RYR2: variants seen among roughly 807,000 people sequenced by gnomAD.
RYR2 encodes the protein cardiac muscle ryanodine receptor-calcium release channel.
In RYR2, 227 loss-of-function variants were observed where a neutral mutation model predicts 601.1. The observed-to-expected ratio is 0.38, with a 90% CI of 0.34 to 0.42. RYR2 has a LOEUF of 0.42. RYR2 is among the 10% of genes least tolerant of loss of function. The pLI is 1.00. For missense variants in RYR2, 4,646 were observed against 6,156.5 expected (o/e 0.75, Z 8.21); for synonymous variants, 2,223 against 2,175.1 (o/e 1.02, Z -0.61).
chr1:237,276,781 A>G (rs1690330930), intron 2 of RYR2, among the ~76,000 whole-genome samples: 1 of 152,244 alleles, frequency 6.6e-6, no homozygotes, highest in South Asian at 2.1e-4. Context: ...TTAAGTTCAA[A>G]CAGACCAATT....
intron 10 of RYR2, among the ~76,000 whole-genome samples, chr1:237,401,370 C>A (rs2149932897): frequency 6.6e-6 from 1 of 152,264 alleles, no homozygotes; most frequent in South Asian, 2.1e-4. Context: ...AATGGGATCC[C>A]CAGACCACTT....
At chr1:237,461,449 C>A (rs1412076405) in intron 16 of RYR2, among the ~76,000 whole-genome samples, 1 of 152,126 alleles carries the variant, frequency 6.6e-6, no homozygotes, top group African/African-American at 2.4e-5. Flanking sequence ...CTCTTCCTTT[C>A]ACCAGCAACC....
intron 35 of RYR2, among the ~76,000 whole-genome samples, chr1:237,604,136 A>G (rs997773814): frequency 5.3e-5 from 8 of 152,182 alleles, no homozygotes; most frequent in African/African-American, 1.7e-4. Context: ...TCATCACCAC[A>G]TCGCACTTAC....
chr1:237,221,688 C>T lies in RYR2; in HGVS notation c.49-48809C>T, dbSNP rs1683817159. On this transcript the variant is annotated intron_variant, in intron 1 of 104. Coordinates refer to ENST00000366574, the MANE Select transcript of RYR2 (RefSeq NM_001035.3). ...AGTCAAGTTAGTAGCTAGGTTCATA[C>T]CTAGTTCTTTGTTTAGAGTGCTTGT... Among the ~76,000 whole-genome samples the T allele has an allele frequency of 2.0e-5, 3 of 152,088 alleles. 1 individual carries two copies. The South Asian group carries it at 6.2e-4, about 32-fold the overall frequency.
At chr1:237,279,508 A>G (rs1248397097) in intron 2 of RYR2, among the ~76,000 whole-genome samples, 3 of 152,190 alleles carry the variant, frequency 2.0e-5, no homozygotes, top group African/African-American at 7.2e-5. Context: ...AATTAATTAA[A>G]TCTCAAATTC....
At chr1:237,270,851 A>G (rs967197485) in intron 2 of RYR2, among the ~76,000 whole-genome samples, 1 of 152,212 alleles carries the variant, frequency 6.6e-6, no homozygotes, top group Admixed American at 6.5e-5. Context: ...TGAGGTTTAT[A>G]TTCTAGTAGA....
At chr1:237,178,210 A>G (rs900910463) in intron 1 of RYR2, among the ~76,000 whole-genome samples, 1 of 151,906 alleles carries the variant, frequency 6.6e-6, no homozygotes, top group Admixed American at 6.6e-5. Flanking sequence ...TTTGGTTGTC[A>G]TTTTTGTTAT....
chr1:237,699,075 GTA>G (rs755016361), intron 64 of RYR2, 50 bp downstream of exon 64: 1 of 849,560 alleles, frequency 1.2e-6, no homozygotes, highest in Non-Finnish European at 1.9e-6. Context: ...AATGATACAT[GTA>G]TATATATAAG....
At chr1:237,240,135 G>A (rs1477667842) in intron 1 of RYR2, among the ~76,000 whole-genome samples, 1 of 152,150 alleles carries the variant, frequency 6.6e-6, no homozygotes, top group Admixed American at 6.5e-5. Flanking sequence ...TGAATTCCAG[G>A]TATTTTCAGA....
intron 50 of RYR2, 135 bp from the exon 51 acceptor site, chr1:237,651,276 A>G: frequency 1.5e-6 from 1 of 661,952 alleles, no homozygotes; most frequent in South Asian, 1.8e-5. Flanking sequence ...ATCTTTGGAC[A>G]AAGAACATCT....
At chr1:237,095,020 G>T (rs1235838173) in intron 1 of RYR2, among the ~76,000 whole-genome samples, 1 of 152,190 alleles carries the variant, frequency 6.6e-6, no homozygotes, top group Non-Finnish European at 1.5e-5. Flanking sequence ...TTATAGATGG[G>T]ACTGAACTTT....
At chr1:237,210,166 A>G (rs1419772835) in intron 1 of RYR2, among the ~76,000 whole-genome samples, 1 of 152,170 alleles carries the variant, frequency 6.6e-6, no homozygotes, top group African/African-American at 2.4e-5. Flanking sequence ...CATGTAATAA[A>G]TGTATTTTTA....
rs553368226 is a variant in RYR2, at chr1:237,179,924, G to A, written c.49-90573G>A. 3.9e-5 allele frequency among the ~76,000 whole-genome samples: 6 copies of A among 152,178 alleles called. No individual in the cohort carries two copies. In the East Asian group the frequency reaches 1.2e-3, roughly 29 times the overall value. On this transcript the variant is annotated intron_variant, in intron 1 of 104. Transcript: ENST00000366574. ...ATTCTGCCTGATTGACCAAGAAAAA[G>A]CAAAAGAGGGTCAGCATGTCCTTTG... is the stretch of plus-strand genomic sequence containing the variant.
At position 237,781,625 on chromosome 1, in the gene RYR2, A is replaced by G; in HGVS notation, c.11941A>G (p.Met3981Val). ...GGATCTGCAGAAGGATATGGTGGTC[A>G]TGTTGCTGTCCATGTTAGAAGGTAG... ...LMDLQKDMVV[M>V]LLSMLEGNVV... Residue 3981 changes from methionine (M) to valine (V), a missense_variant, in exon 89 of 105, where the codon ATG becomes GTG. Physicochemically the swap from Met to Val is conservative, Grantham distance 21 (BLOSUM62 1). Transcript: ENST00000366574. 6.3e-7 allele frequency: 1 copy of G among 1,586,884 alleles called. No homozygotes were observed. Among genetic ancestry groups the G allele is most frequent in the Non-Finnish European group, 8.6e-7 (1 of 1,160,672 alleles).
At chr1:237,563,836 G>A (rs2148220297) in intron 27 of RYR2, among the ~76,000 whole-genome samples, 1 of 152,240 alleles carries the variant, frequency 6.6e-6, no homozygotes, top group East Asian at 1.9e-4. Flanking sequence ...ACATATTTGT[G>A]AAGTCTTGAT....
rs1441653928 is a variant in RYR2, at chr1:237,654,264, T to C, written c.7825-10T>C. 3 of 1,611,988 alleles carry C rather than the reference T, an allele frequency of 1.9e-6. No individual in the cohort carries two copies. Among genetic ancestry groups the C allele is most frequent in the Non-Finnish European group, 8.5e-7 (1 of 1,179,296 alleles). ...TAGCTCATTGCTTTTATAATTGTTT[T>C]CCCACATAGCTGCTGACAAATCATT... On this transcript the variant is annotated splice_polypyrimidine_tract_variant and intron_variant, in intron 51 of 104. Transcript: ENST00000366574.
At chr1:237,282,769 C>T (rs775185441) in intron 2 of RYR2, among the ~76,000 whole-genome samples, 3 of 152,018 alleles carry the variant, frequency 2.0e-5, no homozygotes, top group Admixed American at 1.3e-4. Flanking sequence ...GGGTAAAATA[C>T]GAATATAGCT....
chr1:237,812,329 C>G (rs1661340861), intron 100 of RYR2, among the ~76,000 whole-genome samples: 1 of 152,020 alleles, frequency 6.6e-6, no homozygotes, highest in African/African-American at 2.4e-5. Flanking sequence ...AAGTACAGTC[C>G]CTGCCTTCAT....
chr1:237,629,178 T>C (rs946414045), intron 41 of RYR2, among the ~76,000 whole-genome samples: 28 of 152,228 alleles, frequency 1.8e-4, no homozygotes, highest in Admixed American at 1.4e-3. Flanking sequence ...TAAGCAATCA[T>C]TAATAATAAG....
Sources: gnomAD v4.1 joint callset for allele counts (sites outside exome capture counted in the v4.1 genomes callset) on GRCh38, gnomAD v4.1.1 for gene constraint, MANE v1.5 for transcripts, NCBI Gene and HGNC (gene_info 2026-07-23, HGNC 2026-07-21) for gene names.